Variants in OSBPL3 observed in about 807,000 individuals in gnomAD.
OSBPL3 encodes the protein oxysterol-binding protein-related protein 3.
OSBPL3 carries 65 observed loss-of-function variants against 120.1 expected under a neutral mutation model. That is an observed-to-expected ratio of 0.54 (90% confidence interval 0.44 to 0.67). OSBPL3 has a LOEUF of 0.67. Among genes scored for constraint, OSBPL3 ranks in the 30% least tolerant of loss-of-function variants. The probability of loss-of-function intolerance (pLI) is 0.00; values close to 1 mark genes in which losing one functional copy is unlikely to be tolerated. For missense variants in OSBPL3, 1,004 were observed against 1,082.1 expected (o/e 0.93, Z 1.01); for synonymous variants, 416 against 402.6 (o/e 1.03, Z -0.40).
chr7:24,834,812 C>T lies in OSBPL3; in HGVS notation c.1496-76G>A. ...TATTATTTTTAATCCACGAATAAAACCTTACGTAGCAAGTAGTCAATGTTA... is the reference window on the plus strand; with the variant it reads ...TATTATTTTTAATCCACGAATAAAATCTTACGTAGCAAGTAGTCAATGTTA... On this transcript the variant is annotated intron_variant, in intron 14 of 22. Transcript: ENST00000313367. The surrounding 1 kb of genome is among the most constrained non-coding windows in gnomAD (Gnocchi z 5.2). 1 of 1,299,004 alleles carries T rather than the reference C, an allele frequency of 7.7e-7. No individual in the cohort carries two copies. Among genetic ancestry groups the T allele is most frequent in the East Asian group, 2.4e-5 (1 of 41,392 alleles). The allele number at this position is 1,299,004 out of a possible 1,614,324, so 80.5% of individuals were successfully genotyped here.
intron 4 of OSBPL3, 39 bp from the exon 5 acceptor site, chr7:24,870,884 G>A (rs766490531): frequency 1.8e-5 from 23 of 1,275,452 alleles, no homozygotes; most frequent in Non-Finnish European, 2.6e-5. Context: ...GGACCATGGT[G>A]TTAGAAGCAG....
At chr7:24,897,547 G>C (rs1285300007) in intron 1 of OSBPL3, among the ~76,000 whole-genome samples, 2 of 151,686 alleles carry the variant, frequency 1.3e-5, no homozygotes, top group Admixed American at 1.3e-4. Context: ...GGATGGTCTC[G>C]ATCTCCTGAC....
rs1261624168 is a variant in OSBPL3 at position 24,900,442 on chromosome 7, T to G, written c.-149-7821A>C. On this transcript the variant is annotated intron_variant, in intron 1 of 22. Coordinates refer to ENST00000313367, the MANE Select transcript of OSBPL3 (RefSeq NM_015550.4). This position sits in a 1 kb window ranked among gnomAD's most constrained non-coding sequence, Gnocchi z 4.5. ...ATTAGCTTCGTATATATCGTTTCAC[T>G]TGAAGTCACAGTTTCCAAGAACTTA... Among the ~76,000 whole-genome samples the G allele has an allele frequency of 6.6e-6, 1 of 152,246 alleles. No homozygotes were observed. Among genetic ancestry groups the G allele is most frequent in the African/African-American group, 2.4e-5 (1 of 41,462 alleles).
In OSBPL3 at chr7:24,871,650, G is replaced by A; in HGVS notation, c.267+92C>T. ...TCTATGGTTTCCAGTTCCGAGAAAAGCTATCCTCAACTATACACACTCTCA... is the reference window on the plus strand; with the variant it reads ...TCTATGGTTTCCAGTTCCGAGAAAAACTATCCTCAACTATACACACTCTCA... On this transcript the variant is annotated intron_variant, in intron 4 of 22. Coordinates refer to ENST00000313367, the MANE Select transcript of OSBPL3 (RefSeq NM_015550.4). This position sits in a 1 kb window ranked among gnomAD's most constrained non-coding sequence, Gnocchi z 4.8. 1.1e-6 allele frequency: 1 copy of A among 939,162 alleles called. No homozygotes were observed. The highest frequency in any genetic ancestry group is 1.7e-6 in the Non-Finnish European group (1 of 595,324). 58.2% of individuals were successfully genotyped at this position (939,162 alleles called of 1,614,324 possible). A position where few individuals can be genotyped will look rare whatever the true frequency, so the allele number is the denominator to read the frequency against.
chr7:24,944,136 A>G (rs1813422894), intron 1 of OSBPL3, among the ~76,000 whole-genome samples: 1 of 152,048 alleles, frequency 6.6e-6, no homozygotes, highest in East Asian at 1.9e-4. Flanking sequence ...ACCAAAGATT[A>G]AAAGTTATCT....
chr7:24,877,881 G>A lies in OSBPL3; in HGVS notation c.97-5812C>T, dbSNP rs1020023188. 1.3e-5 allele frequency among the ~76,000 whole-genome samples: 2 copies of A among 152,128 alleles called. No homozygotes were observed. The highest frequency in any genetic ancestry group is 4.8e-5 in the African/African-American group (2 of 41,400). ...AGGCCCTGCTGACTTAGCCCAACACGGCTGCACTGATGTCTCATCCTGTGG... is the reference window on the plus strand; with the variant it reads ...AGGCCCTGCTGACTTAGCCCAACACAGCTGCACTGATGTCTCATCCTGTGG... On this transcript the variant is annotated intron_variant, in intron 2 of 22. Transcript: ENST00000313367. The surrounding 1 kb of genome is among the most constrained non-coding windows in gnomAD (Gnocchi z 4.8).
At position 24,855,784 on chromosome 7, in the gene OSBPL3, CAAAT is replaced by C. The variant is rs1323388732; in HGVS notation, c.1028-3154_1028-3151del. On this transcript the variant is annotated intron_variant, in intron 10 of 22. Transcript: ENST00000313367. The surrounding 1 kb of genome is among the most constrained non-coding windows in gnomAD (Gnocchi z 4.3). ...AACATGAATCTAAGCTTACTAGAGA[CAAAT>C]AAACAGCTTTAAAAAATAGAAGATT... Among the ~76,000 whole-genome samples, 1 of 152,146 alleles carries C rather than the reference CAAAT, an allele frequency of 6.6e-6. No homozygotes were observed. Among genetic ancestry groups the C allele is most frequent in the African/African-American group, 2.4e-5 (1 of 41,446 alleles).
chr7:24,827,331 T>A lies in OSBPL3; in HGVS notation c.1884+3437A>T, dbSNP rs575216352. On this transcript the variant is annotated intron_variant, in intron 16 of 22. Coordinates refer to ENST00000313367, the MANE Select transcript of OSBPL3 (RefSeq NM_015550.4). This position sits in a 1 kb window ranked among gnomAD's most constrained non-coding sequence, Gnocchi z 5.1. ...GGAAACAGAATAAATGCTCTGGCAC[T>A]CTCTTCAGATGTGTTAAATTAGAAT... Among the ~76,000 whole-genome samples, 1 of 152,294 alleles carries A rather than the reference T, an allele frequency of 6.6e-6. No homozygotes were observed. The highest frequency in any genetic ancestry group is 2.4e-5 in the African/African-American group (1 of 41,560).
chr7:24,843,080 A>G (rs578070870), intron 12 of OSBPL3, among the ~76,000 whole-genome samples: 1 of 152,290 alleles, frequency 6.6e-6, no homozygotes, highest in Admixed American at 6.5e-5. Context: ...CTTATCTCGC[A>G]TGACCCTCCA....
rs180920684 is a variant in OSBPL3, at chr7:24,952,381, T to C, written c.-150+27505A>G. On this transcript the variant is annotated intron_variant, in intron 1 of 22. Coordinates refer to ENST00000313367, the MANE Select transcript of OSBPL3 (RefSeq NM_015550.4). This position sits in a 1 kb window ranked among gnomAD's most constrained non-coding sequence, Gnocchi z 4.4. ...CAATGTCATGTAATCACTAATCATA[T>C]ACCGGTTATCTAGGTCTCCTGACAT... Among the ~76,000 whole-genome samples, 544 of 152,360 alleles carry C rather than the reference T, an allele frequency of 3.6e-3. 2 individuals carry two copies. The highest frequency in any genetic ancestry group is 0.012 in the African/African-American group (518 of 41,580).
At chr7:24,840,601 C>T (rs1584325089) in intron 14 of OSBPL3, 89 bp downstream of exon 14, 1 of 548,998 alleles carries the variant, frequency 1.8e-6, no homozygotes, top group Non-Finnish European at 3.2e-6. Flanking sequence ...GCACCTTGAA[C>T]CCCCATATTG....
rs2128425112 is a variant in OSBPL3 at position 24,913,731 on chromosome 7, G to C, written c.-149-21110C>G. ...CTTCATAATAGTTGAAGCTGTGATTGGGAGTGCATTGTCATGTGGTAACTG... is the reference window on the plus strand; with the variant it reads ...CTTCATAATAGTTGAAGCTGTGATTCGGAGTGCATTGTCATGTGGTAACTG... On this transcript the variant is annotated intron_variant, in intron 1 of 22. Transcript: ENST00000313367. The surrounding 1 kb of genome is among the most constrained non-coding windows in gnomAD (Gnocchi z 5.3). Among the ~76,000 whole-genome samples, 1 of 152,246 alleles carries C rather than the reference G, an allele frequency of 6.6e-6. No individual in the cohort carries two copies. The highest frequency in any genetic ancestry group is 1.5e-5 in the Non-Finnish European group (1 of 68,024).
At chr7:24,978,856 C>T (rs1817872797) in intron 1 of OSBPL3, among the ~76,000 whole-genome samples, 1 of 152,224 alleles carries the variant, frequency 6.6e-6, no homozygotes, top group South Asian at 2.1e-4. Flanking sequence ...CCAAGAGTCC[C>T]GACTGAGGAG....
At chr7:24,926,236 T>C (rs1811031147) in intron 1 of OSBPL3, among the ~76,000 whole-genome samples, 1 of 152,338 alleles carries the variant, frequency 6.6e-6, no homozygotes, top group South Asian at 2.1e-4. Context: ...TTTGAACGTG[T>C]AGGGTTATGC....
At chr7:24,868,836 G>A (rs183065480) in intron 5 of OSBPL3, among the ~76,000 whole-genome samples, 57 of 152,288 alleles carry the variant, frequency 3.7e-4, no homozygotes, top group Admixed American at 7.2e-4. Flanking sequence ...CTCAGAGGCC[G>A]TTATAAGTCA....
chr7:24,923,515 A>G (rs1027825762), intron 1 of OSBPL3, among the ~76,000 whole-genome samples: 4 of 152,054 alleles, frequency 2.6e-5, no homozygotes, highest in African/African-American at 9.7e-5. Context: ...CAGGGCAGCT[A>G]TTTTTAACCA....
chr7:24,861,232 G>C (rs1450662016), intron 10 of OSBPL3, among the ~76,000 whole-genome samples: 1 of 152,124 alleles, frequency 6.6e-6, no homozygotes, highest in African/African-American at 2.4e-5. Flanking sequence ...TGGATACTTT[G>C]TTTGGATAAA....
chr7:24,943,233 G>A (rs997988345), intron 1 of OSBPL3, among the ~76,000 whole-genome samples: 7 of 152,296 alleles, frequency 4.6e-5, no homozygotes, highest in Admixed American at 2.6e-4. Flanking sequence ...GCCATGCCCA[G>A]TACACTGGCT....
rs79882454 is a variant in OSBPL3, at chr7:24,907,369, T to C, written c.-149-14748A>G. 8.5e-3 allele frequency among the ~76,000 whole-genome samples: 1,299 copies of C among 152,354 alleles called. 16 individuals carry two copies. The highest frequency in any genetic ancestry group is 0.028 in the African/African-American group (1,179 of 41,570). On this transcript the variant is annotated intron_variant, in intron 1 of 22. Coordinates refer to ENST00000313367, the MANE Select transcript of OSBPL3 (RefSeq NM_015550.4). ...TGGACTCTGGATCTACCTCTCACTC[T>C]GTGGCTAAATGTCTGAGTTGCTTCG...
Sources: gnomAD v4.1 joint callset for allele counts (sites outside exome capture counted in the v4.1 genomes callset) on GRCh38, gnomAD v4.1.1 for gene constraint, Gnocchi (gnomAD v3.1) non-coding constraint, MANE v1.5 for transcripts, NCBI Gene and HGNC (gene_info 2026-07-23, HGNC 2026-07-21) for gene names.